The following SPTBN5 variants were observed in gnomAD, a reference collection of about 807,000 sequenced individuals.
SPTBN5 encodes spectrin beta chain, non-erythrocytic 5.
In SPTBN5, 513 loss-of-function variants were observed where a neutral mutation model predicts 477.6. The ratio of observed to expected loss-of-function variants is 1.07; its 90% confidence interval spans 1.00 to 1.16. SPTBN5 has a LOEUF of 1.16. Ranked by LOEUF, SPTBN5 falls within the 50% of genes most tolerant of loss-of-function variation. SPTBN5 has a pLI of 0.00. For missense variants in SPTBN5, 5,062 were observed against 4,731.8 expected, an observed-to-expected ratio of 1.07 and a Z score of -2.05; for synonymous variants, 2,169 against 2,011.7, an observed-to-expected ratio of 1.08 and a Z score of -2.09.
intron 3 of SPTBN5, among the ~76,000 whole-genome samples, chr15:41,891,227 T>C (rs776626553): frequency 6.6e-6 from 1 of 152,178 alleles, no homozygotes; most frequent in Non-Finnish European, 1.5e-5. Flanking sequence ...AATCGATCAG[T>C]AAGTACTGAA....
In SPTBN5 at chr15:41,882,997, G is replaced by C. The variant is rs774744727; in HGVS notation, c.1891C>G (p.Arg631Gly). 6.7e-5 allele frequency: 103 copies of C among 1,537,884 alleles called. No individual in the cohort carries two copies. Among genetic ancestry groups the C allele is most frequent in the East Asian group, 1.5e-4 (6 of 40,926 alleles). ...GGAAGAGTTGGGGCAGGCTCTTACC[G>C]GGCCCTGACAAGAGCCACCAGGCTC... The part of the protein sequence containing the change: ...QQSLVALVRA[R>G]RALLEQTLQR... Residue 631 changes from arginine to glycine, a missense_variant and splice_region_variant, in exon 9 of 68, where the codon CGG becomes GGG. Physicochemically the swap from Arg to Gly is moderately radical, Grantham distance 125 (BLOSUM62 -2). Coordinates refer to ENST00000320955, the MANE Select transcript of SPTBN5 (RefSeq NM_016642.4).
intron 7 of SPTBN5, among the ~76,000 whole-genome samples, chr15:41,884,344 T>C (rs947933217): frequency 6.6e-6 from 1 of 152,262 alleles, no homozygotes; most frequent in Middle Eastern, 3.4e-3. Context: ...GGTCTTGAAC[T>C]CCTGACCTCA....
chr15:41,869,796 C>T, intron 32 of SPTBN5, 45 bp downstream of exon 32: 2 of 1,483,348 alleles, frequency 1.3e-6, no homozygotes, highest in South Asian at 1.3e-5. Flanking sequence ...TGGTGCAGCA[C>T]ACACACATGC....
intron 47 of SPTBN5, among the ~76,000 whole-genome samples, chr15:41,859,620 G>A: frequency 6.6e-6 from 1 of 152,204 alleles, no homozygotes; most frequent in Non-Finnish European, 1.5e-5. Context: ...AGCACAGGGG[G>A]ACGATCTGCC....
At position 41,879,269 on chromosome 15, in the gene SPTBN5, A is replaced by T; in HGVS notation, c.3173T>A (p.Val1058Glu). The change falls in exon 16 of 68, where the codon GTG (valine) becomes GAG (glutamate). Residue 1058 changes from valine to glutamate, a missense_variant. Val to Glu is a moderately radical substitution (Grantham distance 121). Coordinates refer to ENST00000320955, the MANE Select transcript of SPTBN5 (RefSeq NM_016642.4). ...ACTGCGCTGGCCGTACTTTACGACC[A>T]CACTTTGGAGGAAGTGGACCCTCCT... ...LERRVHFLQS[V>E]VVKVEEPGYA... The T allele has an allele frequency of 6.2e-7, 1 of 1,611,194 alleles. No homozygotes were observed. Among genetic ancestry groups the T allele is most frequent in the Non-Finnish European group, 8.5e-7 (1 of 1,179,262 alleles).
chr15:41,856,646 G>A, intron 52 of SPTBN5, 48 bp from the exon 53 acceptor site: 1 of 1,496,822 alleles, frequency 6.7e-7, no homozygotes, highest in Middle Eastern at 1.7e-4. Context: ...ACCCTTGGGG[G>A]ACTCCCACAG....
At position 41,881,109 on chromosome 15, in the gene SPTBN5, G is replaced by A; in HGVS notation, c.2583C>T (p.Asp861=). ...TCTGGAGTATAGTGTTGGGATCAAA[G>A]TCAGGGTCAGGCTCAGCTGGGAGGG... ...KMALPAEPDP[D]FDPNTILQTQ... Residue 861 remains aspartate (D), a synonymous_variant, in exon 13 of 68, where the codon GAC becomes GAT. Coordinates refer to ENST00000320955, the MANE Select transcript of SPTBN5 (RefSeq NM_016642.4). The A allele has an allele frequency of 6.2e-7, 1 of 1,613,276 alleles. No homozygotes were observed. Among genetic ancestry groups the A allele is most frequent in the Non-Finnish European group, 8.5e-7 (1 of 1,179,646 alleles).
In SPTBN5 at chr15:41,877,646, AC is replaced by A. The variant is rs1275559684; in HGVS notation, c.3471-291del. Among the ~76,000 whole-genome samples the A allele has an allele frequency of 2.6e-5, 4 of 152,140 alleles. No homozygotes were observed. The East Asian group carries it at 7.7e-4, about 29-fold the overall frequency. On this transcript the variant is annotated intron_variant, in intron 17 of 67. Coordinates refer to ENST00000320955, the MANE Select transcript of SPTBN5 (RefSeq NM_016642.4). ...CACAAAAGCACCTGACCGCAGGGCCACTGCAAGCCCCCATGGAGGCTTTGAA... is the reference window on the plus strand; with the variant it reads ...CACAAAAGCACCTGACCGCAGGGCCATGCAAGCCCCCATGGAGGCTTTGAA...
At chr15:41,876,051 G>A (rs545010180) in intron 21 of SPTBN5, 63 bp downstream of exon 21, 2 of 1,550,402 alleles carry the variant, frequency 1.3e-6, no homozygotes, top group East Asian at 2.3e-5. Context: ...AAAACAGGTG[G>A]TGCAGTAGGG....
In SPTBN5 at chr15:41,866,364, C is replaced by T; in HGVS notation, c.6610G>A (p.Val2204Ile). 1 of 1,604,594 alleles carries T rather than the reference C, an allele frequency of 6.2e-7. No individual in the cohort carries two copies. Residue 2204 changes from valine (V) to isoleucine (I), a missense_variant, in exon 37 of 68, where the codon GTC becomes ATC. Val to Ile is a conservative substitution (Grantham distance 29). Coordinates refer to ENST00000320955, the MANE Select transcript of SPTBN5 (RefSeq NM_016642.4). Reference sequence around the variant, plus strand: ...GTTACCTTGGCAACAGAGGTCATGACCTCCTCATGGGCCTGGACTTCAGCC... The same window carrying T: ...GTTACCTTGGCAACAGAGGTCATGATCTCCTCATGGGCCTGGACTTCAGCC... Reference protein sequence around the residue: ...FEAEVQAHEEVMTSVAKKGEA... With the variant: ...FEAEVQAHEEIMTSVAKKGEA...
In SPTBN5 at chr15:41,871,764, C is replaced by T; in HGVS notation, c.5301+18G>A. On this transcript the variant is annotated intron_variant, in intron 28 of 67. Transcript: ENST00000320955. ...CTCTGCCTCAGGGCACCCTCCTTGA[C>T]CCTGGCCCTCTTCTCACCAGGGCGT... 1 of 1,558,292 alleles carries T rather than the reference C, an allele frequency of 6.4e-7. No individual in the cohort carries two copies. Among genetic ancestry groups the T allele is most frequent in the East Asian group, 2.4e-5 (1 of 42,480 alleles).
Position 41,886,171 on chromosome 15 carries a change from G to A in SPTBN5, c.1084C>T (p.Gln362Ter). ...RTQEKPPRLQQRGAAEALLFR... is the reference protein window; with the variant it reads ...RTQEKPPRLQ ...AGCAGGGCCTCTGCGGCCCCTCGCT[G>A]CTGTAGCCGGGGTGGCTTCTCCTGG... Residue 362 changes from glutamine to a stop codon, truncating the protein, a stop_gained, in exon 7 of 68, where the codon CAG (glutamine) becomes TAG (stop). Coordinates refer to ENST00000320955, the MANE Select transcript of SPTBN5 (RefSeq NM_016642.4). LOFTEE classifies it high-confidence loss of function. 1 of 1,612,708 alleles carries A rather than the reference G, an allele frequency of 6.2e-7. No homozygotes were observed. Among genetic ancestry groups the A allele is most frequent in the Non-Finnish European group, 8.5e-7 (1 of 1,179,674 alleles).
Position 41,887,718 on chromosome 15 carries a change from T to C in SPTBN5, c.659+210A>G, listed in dbSNP as rs540620854. Among the ~76,000 whole-genome samples the C allele has an allele frequency of 2.0e-5, 3 of 152,220 alleles. No homozygotes were observed. The East Asian group carries it at 5.8e-4, about 29-fold the overall frequency. ...GAATAGAATTGAGGGGCACAGAAAG[T>C]GGAGAAGGCTGGGGTCAAAGGTAAA... On this transcript the variant is annotated intron_variant, in intron 5 of 67. Transcript: ENST00000320955.
Position 41,870,294 on chromosome 15 carries a change from C to A in SPTBN5, c.5622G>T (p.Gln1874His). The change falls in exon 31 of 68, where the codon CAG (glutamine) becomes CAT (histidine). Residue 1874 changes from glutamine (Q) to histidine (H), a missense_variant. Physicochemically the swap from Gln to His is conservative, Grantham distance 24. Transcript: ENST00000320955. ...VARDLCGLEA[Q>H]LRSHQGLERE... ...GCTCCAGCCCCTGGTGGCTTCTCAG[C>A]TGCGCCTCCAGCCCACACAGGTCCC... is the stretch of plus-strand genomic sequence containing the variant. 1 of 1,556,944 alleles carries A rather than the reference C, an allele frequency of 6.4e-7. No individual in the cohort carries two copies. The highest frequency in any genetic ancestry group is 1.4e-5 in the African/African-American group (1 of 73,542).
Position 41,871,452 on chromosome 15 carries a change from G to T in SPTBN5, c.5370C>A (p.Cys1790Ter), listed in dbSNP as rs1432109279. ...VEMGSQRVAACRLLAESLLER... is the reference protein window; with the variant it reads ...VEMGSQRVAA ...CTAGCAGGCTCTCCGCCAGCAGCCGGCAGGCGGCCACCCGCTGGCTGCCCA... is the reference window on the plus strand; with the variant it reads ...CTAGCAGGCTCTCCGCCAGCAGCCGTCAGGCGGCCACCCGCTGGCTGCCCA... The change falls in exon 29 of 68, where the codon TGC (cysteine) becomes TGA (stop). Residue 1790 changes from cysteine (C) to a stop codon, truncating the protein, a stop_gained. Transcript: ENST00000320955. LOFTEE classifies it high-confidence loss of function. 5 of 1,540,228 alleles carry T rather than the reference G, an allele frequency of 3.2e-6. No homozygotes were observed. The highest frequency in any genetic ancestry group is 5.0e-5 in the East Asian group (2 of 40,204).
In SPTBN5 at chr15:41,862,305, C is replaced by T. The variant is rs1042034573; in HGVS notation, c.7386-13G>A. The T allele has an allele frequency of 6.3e-7, 1 of 1,582,440 alleles. No homozygotes were observed. The highest frequency in any genetic ancestry group is 8.6e-7 in the Non-Finnish European group (1 of 1,162,756). On this transcript the variant is annotated splice_polypyrimidine_tract_variant and intron_variant, in intron 43 of 67. Transcript: ENST00000320955. The stretch of plus-strand genomic sequence containing the variant: ...CAGCGCCTCCCTCCTGCCCACAGCG[C>T]TCATCAGCTAGTCGTCAGGCCTTCA...
chr15:41,862,339 T>G, intron 43 of SPTBN5, 47 bp from the exon 44 acceptor site: 1 of 1,551,744 alleles, frequency 6.4e-7, no homozygotes, highest in Non-Finnish European at 8.7e-7. Flanking sequence ...CAAACCCCTC[T>G]CCCCCATGCC....
intron 3 of SPTBN5, among the ~76,000 whole-genome samples, chr15:41,891,567 T>C (rs2067314799): frequency 6.6e-6 from 1 of 152,106 alleles, no homozygotes; most frequent in Non-Finnish European, 1.5e-5. Flanking sequence ...ATTAACGCCA[T>C]AGGATCAGCG....
intron 1 of SPTBN5, 38 bp from the exon 2 acceptor site, chr15:41,893,584 GA>G: frequency 6.7e-7 from 1 of 1,502,102 alleles, no homozygotes. Context: ...TGTGAATGGA[GA>G]TGGCCCCTCT....
Sources: allele counts gnomAD v4.1 joint callset (sites outside exome capture counted in the v4.1 genomes callset), GRCh38; gene constraint gnomAD v4.1.1; transcripts MANE v1.5; gene names NCBI Gene and HGNC (gene_info 2026-07-23, HGNC 2026-07-21).